CSGALNACT1: variants seen among roughly 807,000 people sequenced by gnomAD.
CSGALNACT1 encodes the protein chondroitin sulfate N-acetylgalactosaminyltransferase 1, also known as beta4GalNAcT-1.
Under a neutral mutation model 51.0 loss-of-function variants are expected in CSGALNACT1, and 52 were observed. The ratio of observed to expected loss-of-function variants is 1.02; its 90% CI spans 0.82 to 1.29. CSGALNACT1 has a LOEUF of 1.29. Ranked by LOEUF, CSGALNACT1 falls within the 50% of genes most tolerant of loss-of-function variation. CSGALNACT1 has a pLI of 0.00. For missense variants in CSGALNACT1, 935 were observed against 679.2 expected (o/e 1.38, Z -4.19); for synonymous variants, 341 against 254.4 (o/e 1.34, Z -3.24).
At chr8:19,683,455 T>C (rs4548199), upstream of CSGALNACT1, among the ~76,000 whole-genome samples, 1 of 152,148 alleles carries the variant, frequency 6.6e-6, no homozygotes, top group Non-Finnish European at 1.5e-5. Flanking sequence ...TTTGGTAAGG[T>C]GTCAAGTTCT....
At chr8:19,694,945 C>T (rs2061510773) in intron 1 of CSGALNACT1, among the ~76,000 whole-genome samples, 1 of 152,298 alleles carries the variant, frequency 6.6e-6, no homozygotes, top group Middle Eastern at 3.4e-3. Context: ...GTCTGCAAAA[C>T]GGCCCAGACC....
At chr8:19,428,903 C>G (rs1478785543) in intron 6 of CSGALNACT1, among the ~76,000 whole-genome samples, 4 of 136,334 alleles carry the variant, frequency 2.9e-5, no homozygotes, top group African/African-American at 8.3e-5. Flanking sequence ...TATATGTATA[C>G]TTTTTATTGA....
At chr8:19,683,822 G>A (rs571621828), upstream of CSGALNACT1, among the ~76,000 whole-genome samples, 15 of 151,322 alleles carry the variant, frequency 9.9e-5, no homozygotes, top group African/African-American at 2.9e-4. Flanking sequence ...TTTTTTTAAG[G>A]AAAAGCTATT....
rs2065479793 is a variant in CSGALNACT1, at chr8:19,757,621, C to T, written c.-297+229G>A. ...TAGAGACTAGGACACTGTGGCGTGG[C>T]CCGAGTTGCAGGAGAGAGGTGTCCA... On this transcript the variant is annotated intron_variant, in intron 1 of 1. Coordinates refer to the CSGALNACT1 transcript ENST00000517494. The surrounding 1 kb of genome is among the most constrained non-coding windows in gnomAD (Gnocchi z 4.0). 6.6e-6 allele frequency among the ~76,000 whole-genome samples: 1 copy of T among 152,258 alleles called. No homozygotes were observed. Among genetic ancestry groups the T allele is most frequent in the African/African-American group, 2.4e-5 (1 of 41,574 alleles).
At chr8:19,699,411 GA>G (rs2061743900) in intron 1 of CSGALNACT1, among the ~76,000 whole-genome samples, 1 of 152,130 alleles carries the variant, frequency 6.6e-6, no homozygotes, top group Admixed American at 6.6e-5. Flanking sequence ...CAAATGAAGA[GA>G]TACATAAAAT....
chr8:19,642,982 G>T (rs928311646), intron 1 of CSGALNACT1, among the ~76,000 whole-genome samples: 1 of 152,046 alleles, frequency 6.6e-6, no homozygotes, highest in Non-Finnish European at 1.5e-5. Context: ...ACAGGAGCTG[G>T]AAGAAAATAC....
chr8:19,625,738 G>C (rs868538532), intron 1 of CSGALNACT1, among the ~76,000 whole-genome samples: 11 of 152,288 alleles, frequency 7.2e-5, no homozygotes, highest in Middle Eastern at 6.8e-3. Flanking sequence ...AGATTCAGTA[G>C]GCTTAAGAGA....
At chr8:19,452,984 GGA>G (rs1458599787) in intron 5 of CSGALNACT1, among the ~76,000 whole-genome samples, 1 of 152,166 alleles carries the variant, frequency 6.6e-6, no homozygotes, top group Admixed American at 6.5e-5. Context: ...GTCAAGATGA[GGA>G]GAGAGCCAAG....
At chr8:19,534,919 C>T (rs10503651) in intron 3 of CSGALNACT1, among the ~76,000 whole-genome samples, 14,478 of 152,158 alleles carry the variant, frequency 0.095, 731 homozygotes, top group South Asian at 0.14. Context: ...TTGCACTTCG[C>T]CATATTTCCT....
chr8:19,718,048 T>C (rs557554725), intron 1 of CSGALNACT1, among the ~76,000 whole-genome samples: 105 of 152,280 alleles, frequency 6.9e-4, no homozygotes, highest in Non-Finnish European at 1.2e-3. Flanking sequence ...GACTTTCTCC[T>C]TGGGGCCCAG....
intron 4 of CSGALNACT1, among the ~76,000 whole-genome samples, chr8:19,469,165 G>A (rs1157199616): frequency 1.3e-5 from 2 of 152,186 alleles, no homozygotes; most frequent in African/African-American, 4.8e-5. Flanking sequence ...TGAGGTGCAA[G>A]GATCACTTGA....
chr8:19,455,953 C>A (rs940458561), intron 5 of CSGALNACT1, among the ~76,000 whole-genome samples: 11 of 152,214 alleles, frequency 7.2e-5, no homozygotes, highest in Non-Finnish European at 1.2e-4. Flanking sequence ...TCTTCCGCCA[C>A]CCATCCCTTC....
At chr8:19,613,513 A>G (rs2052590347) in intron 1 of CSGALNACT1, among the ~76,000 whole-genome samples, 2 of 152,198 alleles carry the variant, frequency 1.3e-5, no homozygotes, top group Non-Finnish European at 2.9e-5. Flanking sequence ...GTCATTTTTA[A>G]TGGTACAATA....
chr8:19,734,858 T>G (rs1396355993), intron 1 of CSGALNACT1, among the ~76,000 whole-genome samples: 1 of 152,072 alleles, frequency 6.6e-6, no homozygotes, highest in Non-Finnish European at 1.5e-5. Context: ...ATGTATATTA[T>G]AAATATACAT....
chr8:19,512,601 T>C (rs1448281845), intron 3 of CSGALNACT1, among the ~76,000 whole-genome samples: 1 of 152,186 alleles, frequency 6.6e-6, no homozygotes, highest in Admixed American at 6.5e-5. Context: ...GATGCAATAA[T>C]CTTGTGCCAT....
intron 3 of CSGALNACT1, among the ~76,000 whole-genome samples, chr8:19,550,267 T>A (rs1320548917): frequency 2.6e-5 from 4 of 152,212 alleles, no homozygotes; most frequent in African/African-American, 7.2e-5. Context: ...ACAACAGATG[T>A]ACAGCACTGC....
chr8:19,693,625 A>C (rs1316039699), intron 1 of CSGALNACT1, among the ~76,000 whole-genome samples: 1 of 152,070 alleles, frequency 6.6e-6, no homozygotes, highest in Non-Finnish European at 1.5e-5. Flanking sequence ...GGACCTGTCT[A>C]CAGGGAGCCC....
intron 1 of CSGALNACT1, among the ~76,000 whole-genome samples, chr8:19,748,946 C>G (rs566474728): frequency 1.3e-5 from 2 of 150,120 alleles, no homozygotes; most frequent in South Asian, 2.1e-4. Context: ...ACCTGGGTGA[C>G]AGAGTGAGAC....
rs560734908 is a variant in CSGALNACT1 at position 19,756,787 on chromosome 8, G to C, written c.-297+1063C>G. Among the ~76,000 whole-genome samples, 4 of 152,268 alleles carry C rather than the reference G, an allele frequency of 2.6e-5. No individual in the cohort carries two copies. In the East Asian group the frequency reaches 7.7e-4, roughly 29 times the overall value. On this transcript the variant is annotated intron_variant, in intron 1 of 1. Coordinates refer to the CSGALNACT1 transcript ENST00000517494. ...AATACAATAACCGCAGTCATCGCGC[G>C]GCACGTGGAAAGGCTACTTTTCAGT...
Sources: allele counts gnomAD v4.1 joint callset (sites outside exome capture counted in the v4.1 genomes callset), GRCh38; gene constraint gnomAD v4.1.1; non-coding constraint Gnocchi (gnomAD v3.1); transcripts MANE v1.5; gene names NCBI Gene and HGNC (gene_info 2026-07-23, HGNC 2026-07-21).